The following VAPA variants were observed in gnomAD, a reference collection of about 807,000 sequenced individuals.
The protein encoded by VAPA is vesicle-associated membrane protein-associated protein A.
Under a neutral mutation model 25.6 loss-of-function variants are expected in VAPA, and 6 were observed. The ratio of observed to expected loss-of-function variants is 0.23; its 90% confidence interval spans 0.13 to 0.46. The LOEUF (loss-of-function observed/expected upper bound fraction) is 0.46. Among genes scored for constraint, VAPA ranks in the 20% least tolerant of loss-of-function variants. The probability of loss-of-function intolerance (pLI) is 0.99; values close to 1 mark genes in which losing one functional copy is unlikely to be tolerated. For synonymous variants in VAPA, 112 were observed against 106.2 expected, an observed-to-expected ratio of 1.05 and a Z score of -0.34; for missense variants, 244 against 302.1, an observed-to-expected ratio of 0.81 and a Z score of 1.43.
At chr18:9,932,091 A>C (rs1195716906) in intron 2 of VAPA, 129 bp downstream of exon 2, 2 of 680,152 alleles carry the variant, frequency 2.9e-6, no homozygotes, top group Non-Finnish European at 4.7e-6. Flanking sequence ...GCCTTTAAAG[A>C]TGTCTTGTTA....
chr18:9,924,803 G>A (rs1395807936), intron 1 of VAPA: 1 of 152,028 alleles, frequency 6.6e-6, no homozygotes, highest in African/African-American at 2.4e-5. Flanking sequence ...CTGGGATAGA[G>A]AGGGGAAGTG....
intron 5 of VAPA, chr18:9,950,777 T>C: frequency 1.9e-6 from 1 of 521,226 alleles, no homozygotes; most frequent in Non-Finnish European, 3.4e-6. Flanking sequence ...TAGCACACAT[T>C]CTAATTATTT....
chr18:9,942,560 C>T (rs2069377004), intron 4 of VAPA, among the ~76,000 whole-genome samples: 1 of 152,114 alleles, frequency 6.6e-6, no homozygotes, highest in South Asian at 2.1e-4. Flanking sequence ...TAAAGAAATA[C>T]CTGAGACTGG....
intron 5 of VAPA, among the ~76,000 whole-genome samples, chr18:9,953,330 AT>A (rs1245092134): frequency 1.3e-5 from 2 of 152,150 alleles, no homozygotes; most frequent in African/African-American, 4.8e-5. Flanking sequence ...TCCTATGTAC[AT>A]TTCTCATCTA....
At position 9,959,143 on chromosome 18, in the gene VAPA, A is replaced by G. The variant is rs1055712889; in HGVS notation, c.*4932A>G. On this transcript the variant is annotated 3_prime_UTR_variant, in exon 6 of 6. Coordinates refer to ENST00000400000, the MANE Select transcript of VAPA (RefSeq NM_194434.3). ...TCTACACAGCTGAAGTAGCAGAGAA[A>G]GTGGGATCTAGATGGTCTGATCCTA... The G allele has an allele frequency of 4.6e-5, 7 of 152,304 alleles. No homozygotes were observed. Among genetic ancestry groups the G allele is most frequent in the African/African-American group, 1.7e-4 (7 of 41,578 alleles). The allele number at this position is 152,304 out of a possible 1,614,324, so 9.4% of individuals were successfully genotyped here.
At chr18:9,930,988 A>C (rs1454727124) in intron 1 of VAPA, among the ~76,000 whole-genome samples, 1 of 152,178 alleles carries the variant, frequency 6.6e-6, no homozygotes, top group Non-Finnish European at 1.5e-5. Flanking sequence ...GAGCCTTTAT[A>C]ATAGTTGTCT....
At chr18:9,921,953 G>A (rs768138166) in intron 1 of VAPA, among the ~76,000 whole-genome samples, 2 of 151,746 alleles carry the variant, frequency 1.3e-5, no homozygotes, top group African/African-American at 2.4e-5. Flanking sequence ...ATAATCATAC[G>A]TGTTTATTTA....
At chr18:9,929,548 G>T (rs1442387181) in intron 1 of VAPA, among the ~76,000 whole-genome samples, 1 of 152,072 alleles carries the variant, frequency 6.6e-6, no homozygotes, top group Non-Finnish European at 1.5e-5. Context: ...ATTTACCTAT[G>T]TATGTTTTTA....
Position 9,954,916 on chromosome 18 carries a change from C to A in VAPA, c.*705C>A, listed in dbSNP as rs3025548. 6.6e-6 allele frequency: 1 copy of A among 152,446 alleles called. No individual in the cohort carries two copies. Among genetic ancestry groups the A allele is most frequent in the Non-Finnish European group, 1.5e-5 (1 of 68,014 alleles). 9.4% of individuals were successfully genotyped at this position (152,446 alleles called of 1,614,324 possible). A position where few individuals can be genotyped will look rare whatever the true frequency, so the allele number is the denominator to read the frequency against. ...TGCAAAGGTTTCTCTTGCATTGAAACCCTCTTGGATATTACAGTATTTTTA... is the reference window on the plus strand; with the variant it reads ...TGCAAAGGTTTCTCTTGCATTGAAAACCTCTTGGATATTACAGTATTTTTA... On this transcript the variant is annotated 3_prime_UTR_variant, in exon 6 of 6. Transcript: ENST00000400000.
At chr18:9,941,214 C>T (rs918724729) in intron 4 of VAPA, among the ~76,000 whole-genome samples, 1 of 151,856 alleles carries the variant, frequency 6.6e-6, no homozygotes, top group African/African-American at 2.4e-5. Context: ...TGCCTAAACT[C>T]ACTGTTGTAG....
At chr18:9,932,138 C>T (rs1599104648) in intron 2 of VAPA, among the ~76,000 whole-genome samples, 176 bp downstream of exon 2, 1 of 152,232 alleles carries the variant, frequency 6.6e-6, no homozygotes, top group Non-Finnish European at 1.5e-5. Flanking sequence ...ATTTCTCACT[C>T]ATCTTCTGTG....
At chr18:9,951,473 G>C (rs1599119460) in intron 5 of VAPA, 2 of 152,344 alleles carry the variant, frequency 1.3e-5, no homozygotes, top group African/African-American at 4.8e-5. Flanking sequence ...TTGCCTTGGT[G>C]GCAAGGGCAG....
chr18:9,947,148 G>T (rs1270060615), intron 4 of VAPA, among the ~76,000 whole-genome samples: 1 of 152,178 alleles, frequency 6.6e-6, no homozygotes, highest in Admixed American at 6.5e-5. Flanking sequence ...GGACCTGCTG[G>T]AGTCTGACTT....
At chr18:9,952,064 A>C (rs1464130220) in intron 5 of VAPA, among the ~76,000 whole-genome samples, 8 of 152,210 alleles carry the variant, frequency 5.3e-5, no homozygotes, top group Admixed American at 5.2e-4. Flanking sequence ...GGTGCTCAAT[A>C]GATTTCTTTC....
chr18:9,950,763 A>C (rs939056828), intron 5 of VAPA, 195 bp downstream of exon 5: 15 of 548,150 alleles, frequency 2.7e-5, no homozygotes, highest in Admixed American at 1.0e-4. Context: ...CAAGTTCCTT[A>C]CTTTAGCACA....
chr18:9,916,992 C>T (rs1240706736), intron 1 of VAPA, among the ~76,000 whole-genome samples: 1 of 152,180 alleles, frequency 6.6e-6, no homozygotes, highest in Non-Finnish European at 1.5e-5. Context: ...CAGACACCAA[C>T]TATTTCAGTA....
At chr18:9,952,834 T>C (rs1162391417) in intron 5 of VAPA, among the ~76,000 whole-genome samples, 1 of 152,170 alleles carries the variant, frequency 6.6e-6, no homozygotes, top group African/African-American at 2.4e-5. Flanking sequence ...ATGTTTGTGA[T>C]GTGTAGCTGA....
At chr18:9,929,456 A>G (rs1338655115) in intron 1 of VAPA, among the ~76,000 whole-genome samples, 1 of 152,168 alleles carries the variant, frequency 6.6e-6, no homozygotes, top group Non-Finnish European at 1.5e-5. Context: ...GTGGGGGTAC[A>G]TGATACAACC....
In VAPA at chr18:9,914,220, C is replaced by T. The variant is rs2069089044; in HGVS notation, c.-37C>T. 8 of 1,553,580 alleles carry T rather than the reference C, an allele frequency of 5.1e-6. No homozygotes were observed. Among genetic ancestry groups the T allele is most frequent in the Non-Finnish European group, 5.2e-6 (6 of 1,151,048 alleles). On this transcript the variant is annotated 5_prime_UTR_variant, in exon 1 of 6. Transcript: ENST00000400000. Reference sequence around the variant, plus strand: ...CCCCCGCCCCCAGTCAGCAAACCGCCGCCGCGGGCGCGCCCCCGCTCTGCG... The same window carrying T: ...CCCCCGCCCCCAGTCAGCAAACCGCTGCCGCGGGCGCGCCCCCGCTCTGCG...
Sources: gnomAD v4.1 joint callset for allele counts (sites outside exome capture counted in the v4.1 genomes callset) on GRCh38, gnomAD v4.1.1 for gene constraint, MANE v1.5 for transcripts, NCBI Gene and HGNC (gene_info 2026-07-23, HGNC 2026-07-21) for gene names.